The following CAMK1D variants were observed in gnomAD, a reference collection of about 807,000 sequenced individuals.
The protein encoded by CAMK1D is calcium/calmodulin-dependent protein kinase type 1D.
Under a neutral mutation model 47.7 loss-of-function variants are expected in CAMK1D, and 9 were observed. The observed-to-expected ratio is 0.19, with a 90% CI of 0.11 to 0.33. The LOEUF (loss-of-function observed/expected upper bound fraction) is 0.33, where lower values mean the gene tolerates loss of function less well. CAMK1D is among the 10% of genes least tolerant of loss of function. The pLI is 1.00. For missense variants in CAMK1D, 291 were observed against 488.7 expected (o/e 0.60, Z 3.81); for synonymous variants, 184 against 184.9 (o/e 0.99, Z 0.04).
chr10:12,658,811 C>A (rs1347400734), intron 2 of CAMK1D, among the ~76,000 whole-genome samples: 1 of 152,106 alleles, frequency 6.6e-6, no homozygotes, highest in Non-Finnish European at 1.5e-5. Flanking sequence ...CTGGCCTCCC[C>A]TTCCACCTCA....
intron 1 of CAMK1D, among the ~76,000 whole-genome samples, chr10:12,476,241 G>A (rs545329123): frequency 5.3e-5 from 8 of 150,756 alleles, no homozygotes; most frequent in South Asian, 2.1e-4. Context: ...GCAGTGAGCC[G>A]AGATCACACC....
At chr10:12,826,334 G>A (rs1228650116) in intron 10 of CAMK1D, among the ~76,000 whole-genome samples, 1 of 152,166 alleles carries the variant, frequency 6.6e-6, no homozygotes, top group Non-Finnish European at 1.5e-5. Flanking sequence ...GGAAGGGAGA[G>A]CAGAGCCTCA....
chr10:12,398,397 G>A (rs1383833945), intron 1 of CAMK1D, among the ~76,000 whole-genome samples: 1 of 152,174 alleles, frequency 6.6e-6, no homozygotes, highest in Admixed American at 6.6e-5. Context: ...TGCCCAGGCT[G>A]GAGTGCAGTG....
chr10:12,491,626 C>T (rs991850384), intron 1 of CAMK1D, among the ~76,000 whole-genome samples: 6 of 151,996 alleles, frequency 3.9e-5, no homozygotes, highest in African/African-American at 1.2e-4. Flanking sequence ...ACCTATGAAG[C>T]GGTGAAACAC....
intron 2 of CAMK1D, among the ~76,000 whole-genome samples, chr10:12,588,902 GTGTATA>G (rs1564430530): frequency 3.6e-5 from 5 of 140,844 alleles, no homozygotes; most frequent in African/African-American, 9.6e-5. Flanking sequence ...GTGTGTGTGT[GTGTATA>G]TATAACATGC....
chr10:12,357,257 T>C (rs1056047898), intron 1 of CAMK1D, among the ~76,000 whole-genome samples: 2 of 151,942 alleles, frequency 1.3e-5, no homozygotes, highest in Non-Finnish European at 2.9e-5. Context: ...CTGCAACCTC[T>C]GCCACCCGAG....
intron 1 of CAMK1D, among the ~76,000 whole-genome samples, chr10:12,454,459 G>A (rs1309571409): frequency 6.7e-6 from 1 of 149,656 alleles, no homozygotes; most frequent in East Asian, 2.0e-4. Context: ...ACCACTCCCG[G>A]CCGAATTTTA....
At chr10:12,669,995 G>C (rs935852714) in intron 3 of CAMK1D, among the ~76,000 whole-genome samples, 15 of 152,046 alleles carry the variant, frequency 9.9e-5, no homozygotes, top group African/African-American at 2.9e-4. Flanking sequence ...GAACGTTCAC[G>C]TACAGGTCTT....
intron 1 of CAMK1D, among the ~76,000 whole-genome samples, chr10:12,442,471 G>A (rs1357147301): frequency 1.3e-5 from 2 of 152,120 alleles, no homozygotes; most frequent in African/African-American, 4.8e-5. Context: ...ACAGAGAGAG[G>A]CTGTGTCTCA....
chr10:12,820,315 C>G (rs1402353099), intron 8 of CAMK1D, among the ~76,000 whole-genome samples: 1 of 152,248 alleles, frequency 6.6e-6, no homozygotes, highest in Admixed American at 6.5e-5. Context: ...AGCCACCATG[C>G]CCGGCCTACA....
At chr10:12,365,132 G>A (rs1837793158) in intron 1 of CAMK1D, among the ~76,000 whole-genome samples, 1 of 151,534 alleles carries the variant, frequency 6.6e-6, no homozygotes, top group Admixed American at 6.6e-5. Context: ...AATTTTGTAT[G>A]TTCAATAGAG....
chr10:12,391,612 T>G (rs1178856346), intron 1 of CAMK1D, among the ~76,000 whole-genome samples: 8 of 152,220 alleles, frequency 5.3e-5, no homozygotes, highest in Non-Finnish European at 8.8e-5. Context: ...GAGGATGATT[T>G]TCAAATGTTT....
At chr10:12,658,146 T>G (rs1044411526) in intron 2 of CAMK1D, among the ~76,000 whole-genome samples, 2 of 151,418 alleles carry the variant, frequency 1.3e-5, no homozygotes, top group Non-Finnish European at 2.9e-5. Flanking sequence ...AGACTCTGTC[T>G]CAAAAAAAAC....
At chr10:12,408,924 G>C (rs1006187736) in intron 1 of CAMK1D, among the ~76,000 whole-genome samples, 3 of 144,804 alleles carry the variant, frequency 2.1e-5, no homozygotes, top group Admixed American at 7.2e-5. Flanking sequence ...CGCGATCTCA[G>C]CTCACTGCAA....
chr10:12,372,633 A>T (rs936529450), intron 1 of CAMK1D, among the ~76,000 whole-genome samples: 1 of 152,154 alleles, frequency 6.6e-6, no homozygotes, highest in East Asian at 1.9e-4. Context: ...TTTATTAATT[A>T]ATCGAGACAG....
chr10:12,465,353 T>A (rs1833559520), intron 1 of CAMK1D, among the ~76,000 whole-genome samples: 1 of 152,134 alleles, frequency 6.6e-6, no homozygotes, highest in Non-Finnish European at 1.5e-5. Context: ...ATCTTTTATT[T>A]TTATTTTATT....
At chr10:12,759,814 C>T (rs753388726) in intron 3 of CAMK1D, among the ~76,000 whole-genome samples, 3 of 152,102 alleles carry the variant, frequency 2.0e-5, no homozygotes, top group East Asian at 1.9e-4. Flanking sequence ...TTCAGTGGAT[C>T]AGTTATTGCG....
intron 1 of CAMK1D, among the ~76,000 whole-genome samples, chr10:12,548,047 G>T (rs1836454393): frequency 6.6e-6 from 1 of 152,190 alleles, no homozygotes; most frequent in Admixed American, 6.5e-5. Context: ...GTAGCCACCT[G>T]TATCAGCCCA....
At chr10:12,798,356 G>A (rs977873775) in intron 6 of CAMK1D, among the ~76,000 whole-genome samples, 1 of 152,242 alleles carries the variant, frequency 6.6e-6, no homozygotes, top group African/African-American at 2.4e-5. Context: ...TGCAGAGATG[G>A]ATGTATCACC....
Sources: gnomAD v4.1 joint callset for allele counts (sites outside exome capture counted in the v4.1 genomes callset) on GRCh38, gnomAD v4.1.1 for gene constraint, MANE v1.5 for transcripts, NCBI Gene and HGNC (gene_info 2026-07-23, HGNC 2026-07-21) for gene names.